Variants in PIAS1 observed in about 807,000 individuals in gnomAD.
PIAS1 encodes protein inhibitor of activated STAT 1, also known as E3 SUMO-protein ligase PIAS1.
Under a neutral mutation model 71.3 loss-of-function variants are expected in PIAS1, and 6 were observed. That is an observed-to-expected ratio of 0.08 (90% CI 0.05 to 0.17). The LOEUF is 0.17. Ranked by LOEUF, PIAS1 falls within the 10% of genes least tolerant of loss-of-function variation. PIAS1 has a pLI of 1.00. For synonymous variants in PIAS1, 303 were observed against 292.9 expected (o/e 1.03, Z -0.35); for missense variants, 555 against 793.6 (o/e 0.70, Z 3.61).
Position 68,174,340 on chromosome 15 carries a change from T to G in PIAS1, c.1169+448T>G, listed in dbSNP as rs919340688. 6.6e-6 allele frequency among the ~76,000 whole-genome samples: 1 copy of G among 152,236 alleles called. No individual in the cohort carries two copies. Among genetic ancestry groups the G allele is most frequent in the Non-Finnish European group, 1.5e-5 (1 of 68,042 alleles). On this transcript the variant is annotated intron_variant, in intron 9 of 13. Transcript: ENST00000249636. The surrounding 1 kb of genome is among the most constrained non-coding windows in gnomAD (Gnocchi z 4.0). ...AGATCCACCTTCAGTCATGGTCTTCTTTTTCTTTTTTGTCTTGCCCACCTA... is the reference window on the plus strand; with the variant it reads ...AGATCCACCTTCAGTCATGGTCTTCGTTTTCTTTTTTGTCTTGCCCACCTA...
intron 2 of PIAS1, among the ~76,000 whole-genome samples, chr15:68,138,838 A>C (rs1252574592): frequency 1.3e-5 from 2 of 152,200 alleles, no homozygotes; most frequent in Non-Finnish European, 2.9e-5. Flanking sequence ...AGATTTGGAC[A>C]GTGAGTAATT....
intron 1 of PIAS1, among the ~76,000 whole-genome samples, chr15:68,069,190 G>A (rs7163051): frequency 0.24 from 36,360 of 151,944 alleles, 4,829 homozygotes; most frequent in Middle Eastern, 0.33. Flanking sequence ...CACCGCACCC[G>A]GCCTTGTCCA....
At chr15:68,166,279 A>G (rs1175575095) in intron 8 of PIAS1, among the ~76,000 whole-genome samples, 1 of 151,978 alleles carries the variant, frequency 6.6e-6, no homozygotes, top group Non-Finnish European at 1.5e-5. Context: ...GTAACCAGGT[A>G]AATGTTATAA....
At chr15:68,150,724 C>G (rs2092838196) in intron 6 of PIAS1, among the ~76,000 whole-genome samples, 1 of 152,080 alleles carries the variant, frequency 6.6e-6, no homozygotes, top group African/African-American at 2.4e-5. Context: ...GTTGAGTATT[C>G]CTAATCTGAA....
rs138517983 is a variant in PIAS1, at chr15:68,103,370, A to G, written c.469+16620A>G. 3.2e-3 allele frequency among the ~76,000 whole-genome samples: 481 copies of G among 150,466 alleles called. 1 individual carries two copies. The highest frequency in any genetic ancestry group is 0.011 in the African/African-American group (467 of 40,930). On this transcript the variant is annotated intron_variant, in intron 2 of 13. Coordinates refer to ENST00000249636, the MANE Select transcript of PIAS1 (RefSeq NM_016166.3). ...TAAGCTTTTCGTTAGCATTTGTCTG[A>G]CATAAACTTTGTTCTTTTGTTTTCA... is the stretch of plus-strand genomic sequence containing the variant.
chr15:68,143,370 TCTAAGCTTTGAAATAATAAG>T (rs2092785674), intron 4 of PIAS1, among the ~76,000 whole-genome samples: 1 of 152,070 alleles, frequency 6.6e-6, no homozygotes, highest in Admixed American at 6.6e-5. Context: ...AAACCTCTCA[TCTAAGCTTTGAAATAATAAG>T]GTAAAAACAG....
chr15:68,110,554 C>T (rs190870389), intron 2 of PIAS1, among the ~76,000 whole-genome samples: 1 of 152,026 alleles, frequency 6.6e-6, no homozygotes, highest in African/African-American at 2.4e-5. Flanking sequence ...CAAGATCGCA[C>T]CATTGCACTC....
chr15:68,123,983 T>TAC (rs10624056), intron 2 of PIAS1, among the ~76,000 whole-genome samples: 89,701 of 151,008 alleles, frequency 0.59, 27,251 homozygotes, highest in East Asian at 0.94. Flanking sequence ...TGTGTGAATA[T>TAC]ACACACACAC....
intron 2 of PIAS1, among the ~76,000 whole-genome samples, chr15:68,137,885 G>A (rs2092744495): frequency 6.6e-6 from 1 of 152,188 alleles, no homozygotes; most frequent in African/African-American, 2.4e-5. Flanking sequence ...ATTTGGGCAT[G>A]TAATCCCAGG....
intron 1 of PIAS1, among the ~76,000 whole-genome samples, chr15:68,073,126 C>T (rs1318848566): frequency 6.6e-6 from 1 of 152,204 alleles, no homozygotes; most frequent in Non-Finnish European, 1.5e-5. Context: ...TGCCATTCTC[C>T]TGCCTCAGCC....
chr15:68,083,446 A>T (rs962938752), intron 1 of PIAS1, among the ~76,000 whole-genome samples: 4 of 152,184 alleles, frequency 2.6e-5, no homozygotes, highest in African/African-American at 9.6e-5. Flanking sequence ...CCTGATTATA[A>T]GTTGCAATGG....
chr15:68,093,905 T>A (rs1482479318), intron 2 of PIAS1, among the ~76,000 whole-genome samples: 1 of 152,164 alleles, frequency 6.6e-6, no homozygotes, highest in Non-Finnish European at 1.5e-5. Context: ...TCCTAAATTC[T>A]GAAAGTATTC....
intron 12 of PIAS1, 78 bp from the exon 13 acceptor site, chr15:68,183,552 T>G: frequency 3.1e-6 from 2 of 650,378 alleles, no homozygotes; most frequent in Non-Finnish European, 5.6e-6. Context: ...GACTTGTATT[T>G]GTTTTTGAAG....
At position 68,054,387 on chromosome 15, in the gene PIAS1, C is replaced by T. The variant is rs951443919; in HGVS notation, c.24+37C>T. 15 of 1,554,972 alleles carry T rather than the reference C, an allele frequency of 9.6e-6. No homozygotes were observed. The highest frequency in any genetic ancestry group is 7.0e-6 in the Non-Finnish European group (8 of 1,149,080). The stretch of plus-strand genomic sequence containing the variant: ...CTCGAATTCACTTCTAATATTCGGC[C>T]GCGGAGACGGCGCCGCTGCTGCCAG... On this transcript the variant is annotated intron_variant, in intron 1 of 13. Transcript: ENST00000249636. This position sits in a 1 kb window ranked among gnomAD's most constrained non-coding sequence, Gnocchi z 4.6.
rs1049491576 is a variant in PIAS1, at chr15:68,186,784, C to T, written c.1663-758C>T. On this transcript the variant is annotated intron_variant, in intron 13 of 13. Transcript: ENST00000249636. This position sits in a 1 kb window ranked among gnomAD's most constrained non-coding sequence, Gnocchi z 4.4. Reference sequence around the variant, plus strand: ...CTTAGCATTGTGTTACAGTTGCCTACGGCATTCAGCACAGTAACATGCTGT... The same window carrying T: ...CTTAGCATTGTGTTACAGTTGCCTATGGCATTCAGCACAGTAACATGCTGT... 3.3e-5 allele frequency among the ~76,000 whole-genome samples: 5 copies of T among 152,238 alleles called. No homozygotes were observed. Among genetic ancestry groups the T allele is most frequent in the Admixed American group, 6.5e-5 (1 of 15,286 alleles).
At position 68,188,671 on chromosome 15, in the gene PIAS1, T is replaced by C. The variant is rs2093103445; in HGVS notation, c.*836T>C. 1 of 152,292 alleles carries C rather than the reference T, an allele frequency of 6.6e-6. No homozygotes were observed. Among genetic ancestry groups the C allele is most frequent in the Non-Finnish European group, 1.5e-5 (1 of 68,014 alleles). The allele number at this position is 152,292 out of a possible 1,614,324, so 9.4% of individuals were successfully genotyped here. ...GGAATAAAGCTGTCTGGGTAAGGAG[T>C]AGGCTTAGCCGACCTATGAATAATA... On this transcript the variant is annotated 3_prime_UTR_variant, in exon 14 of 14. Coordinates refer to ENST00000249636, the MANE Select transcript of PIAS1 (RefSeq NM_016166.3).
chr15:68,126,580 T>A (rs1044019037), intron 2 of PIAS1, among the ~76,000 whole-genome samples: 4 of 152,186 alleles, frequency 2.6e-5, no homozygotes, highest in Admixed American at 6.5e-5. Flanking sequence ...GGAGCTGGGA[T>A]TGCAGGCGTG....
chr15:68,069,754 A>T (rs1643174127), intron 1 of PIAS1, among the ~76,000 whole-genome samples: 1 of 150,484 alleles, frequency 6.6e-6, no homozygotes, highest in Non-Finnish European at 1.5e-5. Flanking sequence ...CAGTGAGCCG[A>T]CATTGTGCCA....
In PIAS1 at chr15:68,154,755, G is replaced by A. The variant is rs866868182; in HGVS notation, c.934+1060G>A. ...CACACTTTGGCTAATGCCTCTGTAG[G>A]CATGCATTGACAGATGATGGAGACC... is the stretch of plus-strand genomic sequence containing the variant. On this transcript the variant is annotated intron_variant, in intron 7 of 13. Coordinates refer to ENST00000249636, the MANE Select transcript of PIAS1 (RefSeq NM_016166.3). 5.3e-5 allele frequency among the ~76,000 whole-genome samples: 8 copies of A among 152,316 alleles called. No homozygotes were observed. The South Asian group carries it at 6.2e-4, about 12-fold the overall frequency.
Sources: allele counts gnomAD v4.1 joint callset (sites outside exome capture counted in the v4.1 genomes callset), GRCh38; gene constraint gnomAD v4.1.1; non-coding constraint Gnocchi (gnomAD v3.1); transcripts MANE v1.5; gene names NCBI Gene and HGNC (gene_info 2026-07-23, HGNC 2026-07-21).